Variants in SUDS3 observed in about 807,000 individuals in gnomAD.
SUDS3 encodes the protein SIN3A corepressor complex component SDS3.
A neutral mutation model predicts 53.5 loss-of-function variants in SUDS3; 23 were observed. That is an observed-to-expected ratio of 0.43 (90% CI 0.31 to 0.61). The LOEUF is 0.61. SUDS3 is among the 20% of genes least tolerant of loss of function. The pLI is 0.10. For synonymous variants in SUDS3, 150 were observed against 148.5 expected (o/e 1.01, Z -0.08); for missense variants, 291 against 405.9 (o/e 0.72, Z 2.43).
chr12:118,384,030 G>A lies in SUDS3; in HGVS notation c.231G>A (p.Leu77=), dbSNP rs1377445913. Residue 77 remains leucine, a synonymous_variant, in exon 3 of 12, where the codon CTG becomes CTA. Transcript: ENST00000543473. ...EMKEQMYQDK[L]ASLKRQLQQL... is the part of the protein sequence containing the mutation. ...TTTATAGGATGTATCAGGACAAACT[G>A]GCTTCTCTCAAGAGGCAGTTGCAAC... is the stretch of plus-strand genomic sequence containing the variant. 1 of 1,613,340 alleles carries A rather than the reference G, an allele frequency of 6.2e-7. No homozygotes were observed. The highest frequency in any genetic ancestry group is 1.1e-5 in the South Asian group (1 of 91,042).
intron 7 of SUDS3, 66 bp downstream of exon 7, chr12:118,400,820 G>A (rs763089581): frequency 3.6e-5 from 52 of 1,436,534 alleles, no homozygotes; most frequent in South Asian, 1.3e-4. Flanking sequence ...ATGTTTATCC[G>A]TTTGCTAGGG....
chr12:118,402,199 C>A, intron 9 of SUDS3, 195 bp downstream of exon 9: 1 of 572,450 alleles, frequency 1.7e-6, no homozygotes. Flanking sequence ...ATAACCCCTG[C>A]TTTGTTGTTT....
chr12:118,391,850 G>T (rs767775900), intron 6 of SUDS3, among the ~76,000 whole-genome samples: 1 of 152,186 alleles, frequency 6.6e-6, no homozygotes, highest in Non-Finnish European at 1.5e-5. Context: ...AGAAAGATTT[G>T]ATATGATTCC....
At chr12:118,399,558 T>C (rs939251946) in intron 6 of SUDS3, among the ~76,000 whole-genome samples, 2 of 151,902 alleles carry the variant, frequency 1.3e-5, no homozygotes, top group Admixed American at 1.3e-4. Flanking sequence ...CTGATTTGTG[T>C]CTCAGGAAGA....
At position 118,376,800 on chromosome 12, in the gene SUDS3, G is replaced by A. The variant is rs1405327969; in HGVS notation, c.109G>A (p.Glu37Lys). 2 of 1,552,484 alleles carry A rather than the reference G, an allele frequency of 1.3e-6. No homozygotes were observed. The highest frequency in any genetic ancestry group is 1.4e-5 in the African/African-American group (1 of 72,192). Residue 37 changes from glutamate (E) to lysine (K), a missense_variant, in exon 1 of 12, where the codon GAG becomes AAG. This residue lies in a region of SUDS3 where 149 missense variants were observed against 146.5 expected (regional missense o/e 1.02). Coordinates refer to ENST00000543473, the MANE Select transcript of SUDS3 (RefSeq NM_022491.3). ...AGAGCTGGAGAGCGCCGAGGACGAC[G>A]AGCGCAGCTGTCGGGGCCGCGAGTC... is the stretch of plus-strand genomic sequence containing the variant. ...DEELESAEDDERSCRGRESDE... is the reference protein window; with the variant it reads ...DEELESAEDDKRSCRGRESDE...
intron 1 of SUDS3, among the ~76,000 whole-genome samples, chr12:118,379,022 G>A (rs2046029478): frequency 6.7e-6 from 1 of 149,588 alleles, no homozygotes; most frequent in Non-Finnish European, 1.5e-5. Flanking sequence ...ACGTTGGCCA[G>A]GCTGGTCTGG....
rs1453496788 is a variant in SUDS3, at chr12:118,415,003, A to G, written c.*570A>G. The G allele has an allele frequency of 6.6e-6, 1 of 152,294 alleles. No homozygotes were observed. The highest frequency in any genetic ancestry group is 6.5e-5 in the Admixed American group (1 of 15,278). 9.4% of individuals were successfully genotyped at this position (152,294 alleles called of 1,614,324 possible). A position where few individuals can be genotyped will look rare whatever the true frequency, so the allele number is the denominator to read the frequency against. ...TAAATGCTTTGTGTAACATCTGTGC[A>G]CACCATCCATTCCGCTCGCTGAGCG... is the stretch of plus-strand genomic sequence containing the variant. On this transcript the variant is annotated 3_prime_UTR_variant, in exon 12 of 12. Transcript: ENST00000543473.
At chr12:118,387,193 A>G (rs1339051971) in intron 4 of SUDS3, among the ~76,000 whole-genome samples, 2 of 152,068 alleles carry the variant, frequency 1.3e-5, no homozygotes, top group Non-Finnish European at 1.5e-5. Flanking sequence ...TCCACCTTCT[A>G]CCTCTCCCTG....
intron 2 of SUDS3, among the ~76,000 whole-genome samples, 180 bp downstream of exon 2, chr12:118,380,411 A>T (rs1025223801): frequency 6.6e-6 from 1 of 152,230 alleles, no homozygotes; most frequent in East Asian, 1.9e-4. Context: ...TGGATGTGGG[A>T]TGCTCAGCTG....
At chr12:118,380,537 T>C (rs2046047238) in intron 2 of SUDS3, among the ~76,000 whole-genome samples, 2 of 152,212 alleles carry the variant, frequency 1.3e-5, no homozygotes, top group East Asian at 1.9e-4. Flanking sequence ...AGTTTGACCA[T>C]AGCGCTTCCA....
At chr12:118,409,361 G>A (rs1429316261) in intron 10 of SUDS3, among the ~76,000 whole-genome samples, 1 of 152,028 alleles carries the variant, frequency 6.6e-6, no homozygotes. Flanking sequence ...TGGCCAGGCT[G>A]GTCTCGATCT....
rs567914126 is a variant in SUDS3 at position 118,403,326 on chromosome 12, G to A, written c.698-86G>A. On this transcript the variant is annotated intron_variant, in intron 9 of 11. Transcript: ENST00000543473. ...TCAGTGATGATTATTACCACATTCT[G>A]ATAGTGTTTCAATTAAAGCATGTTA... The A allele has an allele frequency of 2.2e-4, 217 of 1,008,460 alleles. 1 individual carries two copies. In the African/African-American group the frequency reaches 2.9e-3, roughly 14 times the overall value. 62.5% of individuals were successfully genotyped at this position (1,008,460 alleles called of 1,614,324 possible). A position where few individuals can be genotyped will look rare whatever the true frequency, so the allele number is the denominator to read the frequency against.
At chr12:118,384,443 CTG>C (rs2046095800) in intron 3 of SUDS3, among the ~76,000 whole-genome samples, 1 of 152,194 alleles carries the variant, frequency 6.6e-6, no homozygotes, top group Admixed American at 6.5e-5. Flanking sequence ...ATTATTCACA[CTG>C]TGTTTTCTCC....
chr12:118,383,393 G>T (rs564291683), intron 2 of SUDS3, among the ~76,000 whole-genome samples: 4 of 152,200 alleles, frequency 2.6e-5, no homozygotes, highest in Non-Finnish European at 5.9e-5. Context: ...AGGTGTGAGA[G>T]GAAAAAACTA....
chr12:118,403,790 A>G (rs1274213347), intron 10 of SUDS3, among the ~76,000 whole-genome samples: 3 of 151,976 alleles, frequency 2.0e-5, no homozygotes, highest in Admixed American at 6.6e-5. Context: ...CTTGTGTGGT[A>G]CCCCTGCCAA....
intron 6 of SUDS3, among the ~76,000 whole-genome samples, chr12:118,398,174 C>T (rs1157772292): frequency 2.0e-5 from 3 of 152,178 alleles, no homozygotes; most frequent in Admixed American, 6.5e-5. Flanking sequence ...ACTCCCGTTA[C>T]GCCAGGCACT....
Position 118,391,169 on chromosome 12 carries a change from C to T in SUDS3, c.404C>T (p.Ala135Val), listed in dbSNP as rs1246273218. Residue 135 changes from alanine (A) to valine (V), a missense_variant, in exon 6 of 12, where the codon GCA becomes GTA. Transcript: ENST00000543473. Reference sequence around the variant, plus strand: ...AATTACATTAAAGAAAAGAAGGCAGCAGTGAAAGAATTTGAAGACAAGAAG... The same window carrying T: ...AATTACATTAAAGAAAAGAAGGCAGTAGTGAAAGAATTTGAAGACAAGAAG... ...ERNYIKEKKAAVKEFEDKKVE... is the reference protein window; with the variant it reads ...ERNYIKEKKAVVKEFEDKKVE... 1 of 1,613,672 alleles carries T rather than the reference C, an allele frequency of 6.2e-7. No individual in the cohort carries two copies. The highest frequency in any genetic ancestry group is 8.5e-7 in the Non-Finnish European group (1 of 1,179,830).
chr12:118,379,255 G>A (rs1438686074), intron 1 of SUDS3, among the ~76,000 whole-genome samples: 1 of 151,950 alleles, frequency 6.6e-6, no homozygotes, highest in Non-Finnish European at 1.5e-5. Context: ...TGGCCAACGT[G>A]GCGAAACCTC....
chr12:118,412,777 C>T (rs1364974359), intron 11 of SUDS3, among the ~76,000 whole-genome samples: 2 of 152,076 alleles, frequency 1.3e-5, no homozygotes, highest in Admixed American at 6.5e-5. Context: ...CTCTCTCTGC[C>T]GAATATTGTC....
Sources: gnomAD v4.1 joint callset for allele counts (sites outside exome capture counted in the v4.1 genomes callset) on GRCh38, gnomAD v4.1.1 for gene constraint, gnomAD v4.1.1 regional missense constraint, MANE v1.5 for transcripts, NCBI Gene and HGNC (gene_info 2026-07-23, HGNC 2026-07-21) for gene names.